HDAC4: variants seen among roughly 807,000 people sequenced by gnomAD.
HDAC4 encodes the protein histone deacetylase 4.
A neutral mutation model predicts 135.1 loss-of-function variants in HDAC4; 16 were observed. The ratio of observed to expected loss-of-function variants is 0.12; its 90% confidence interval spans 0.08 to 0.18. The LOEUF (loss-of-function observed/expected upper bound fraction) is 0.18, where lower values mean the gene tolerates loss of function less well. Ranked by LOEUF, HDAC4 falls within the 10% of genes least tolerant of loss-of-function variation. The pLI, the probability that HDAC4 is intolerant of heterozygous loss-of-function variation, is 1.00. For missense variants in HDAC4, 1,143 were observed against 1,511.8 expected (o/e 0.76, Z 4.05); for synonymous variants, 685 against 653.4 (o/e 1.05, Z -0.74).
chr2:239,296,222 C>T (rs1413198752), intron 2 of HDAC4, among the ~76,000 whole-genome samples: 1 of 152,236 alleles, frequency 6.6e-6, no homozygotes, highest in Non-Finnish European at 1.5e-5. Context: ...CACACACACG[C>T]ACATATGCAG....
intron 2 of HDAC4, among the ~76,000 whole-genome samples, chr2:239,261,178 G>A (rs995557213): frequency 1.3e-5 from 2 of 152,184 alleles, no homozygotes; most frequent in African/African-American, 4.8e-5. Context: ...AGATAAGACT[G>A]AGCCCAGCTG....
intron 1 of HDAC4, among the ~76,000 whole-genome samples, chr2:239,377,969 G>A (rs561979945): frequency 7.2e-5 from 11 of 152,228 alleles, no homozygotes; most frequent in Admixed American, 1.3e-4. Context: ...GGAGTTCTAT[G>A]GACATCAAAA....
intron 3 of HDAC4, among the ~76,000 whole-genome samples, chr2:239,214,620 C>G (rs576277793): frequency 2.7e-4 from 41 of 152,338 alleles, no homozygotes; most frequent in African/African-American, 9.1e-4. Context: ...ACCTGTGGCT[C>G]GCCACGCGTG....
chr2:239,238,330 T>C (rs2048003104), intron 2 of HDAC4, among the ~76,000 whole-genome samples: 2 of 152,228 alleles, frequency 1.3e-5, no homozygotes. Context: ...GTGTGTGTAT[T>C]TAACCCAAAT....
chr2:239,360,738 G>A (rs898727882), intron 1 of HDAC4, among the ~76,000 whole-genome samples: 6 of 152,118 alleles, frequency 3.9e-5, no homozygotes, highest in Admixed American at 1.3e-4. Flanking sequence ...GACAGGGAGC[G>A]GGGACACCCG....
At chr2:239,137,898 A>G (rs2041086855) in intron 9 of HDAC4, among the ~76,000 whole-genome samples, 1 of 152,236 alleles carries the variant, frequency 6.6e-6, no homozygotes, top group Admixed American at 6.5e-5. Context: ...TACATGTTCT[A>G]TTAATTTCCA....
At chr2:239,112,556 G>A (rs147439297) in intron 13 of HDAC4, among the ~76,000 whole-genome samples, 1 of 151,444 alleles carries the variant, frequency 6.6e-6, no homozygotes, top group South Asian at 2.1e-4. Context: ...CTCTGTGTGT[G>A]GGGGGGGCAC....
chr2:239,096,572 C>T (rs1228983646), intron 16 of HDAC4, among the ~76,000 whole-genome samples: 1 of 49,218 alleles, frequency 2.0e-5, no homozygotes, highest in South Asian at 9.6e-4. Context: ...ACGCCTACAC[C>T]CCCCACGAAC....
At chr2:239,324,345 G>A (rs72992651) in intron 2 of HDAC4, among the ~76,000 whole-genome samples, 6,700 of 152,300 alleles carry the variant, frequency 0.044, 212 homozygotes, top group Non-Finnish European at 0.065. Context: ...GGTCCTCACC[G>A]CACAGTATCC....
intron 22 of HDAC4, among the ~76,000 whole-genome samples, chr2:239,074,440 G>A (rs2152646482): frequency 6.6e-6 from 1 of 152,356 alleles, no homozygotes. Flanking sequence ...GTTAAATGAA[G>A]TTCATACCAA....
At chr2:239,302,198 C>A (rs1363189963) in intron 2 of HDAC4, among the ~76,000 whole-genome samples, 1 of 152,182 alleles carries the variant, frequency 6.6e-6, no homozygotes, top group African/African-American at 2.4e-5. Context: ...AGAACTCTGT[C>A]CTGATTGGAG....
At chr2:239,370,098 CCT>C (rs980878300) in intron 1 of HDAC4, among the ~76,000 whole-genome samples, 3 of 152,256 alleles carry the variant, frequency 2.0e-5, no homozygotes, top group African/African-American at 7.2e-5. Context: ...GGCCGTCTGC[CCT>C]GTGTCCCCGG....
intron 3 of HDAC4, among the ~76,000 whole-genome samples, chr2:239,192,573 C>T (rs1230281482): frequency 1.3e-5 from 2 of 152,134 alleles, no homozygotes; most frequent in Admixed American, 1.3e-4. Flanking sequence ...TGGCGGGCTC[C>T]CTGCTGTGGG....
Position 239,095,000 on chromosome 2 carries a change from G to A in HDAC4, c.2280+10C>T, listed in dbSNP as rs199641955. The stretch of plus-strand genomic sequence containing the variant: ...ACAGGACATTATTTACACATTAAAG[G>A]AACACTTACCCCAACACCACCGCAA... On this transcript the variant is annotated intron_variant, in intron 17 of 26. Coordinates refer to ENST00000543185, the MANE Select transcript of HDAC4 (RefSeq NM_001378414.1). The A allele has an allele frequency of 1.2e-6, 2 of 1,613,926 alleles. No individual in the cohort carries two copies. Among genetic ancestry groups the A allele is most frequent in the East Asian group, 2.2e-5 (1 of 44,878 alleles).
Position 239,303,505 on chromosome 2 carries a change from C to G in HDAC4, c.22+49173G>C, listed in dbSNP as rs920255176. Among the ~76,000 whole-genome samples the G allele has an allele frequency of 6.6e-5, 10 of 152,166 alleles. No homozygotes were observed. The highest frequency in any genetic ancestry group is 1.2e-4 in the Non-Finnish European group (8 of 68,030). ...CGGCAGCGTGCTTCCTCGATCTCCC[C>G]GCTCCTTTCTCGGGACAGCCTGTGG... is the stretch of plus-strand genomic sequence containing the variant. On this transcript the variant is annotated intron_variant, in intron 2 of 26. Coordinates refer to ENST00000543185, the MANE Select transcript of HDAC4 (RefSeq NM_001378414.1). This position sits in a 1 kb window ranked among gnomAD's most constrained non-coding sequence, Gnocchi z 5.1.
At chr2:239,347,047 T>TCA (rs1692765873) in intron 2 of HDAC4, among the ~76,000 whole-genome samples, 1 of 151,536 alleles carries the variant, frequency 6.6e-6, no homozygotes, top group African/African-American at 2.4e-5. Flanking sequence ...ACACCCTGAT[T>TCA]CACACACATA....
At chr2:239,171,290 G>T (rs2152990147) in intron 5 of HDAC4, among the ~76,000 whole-genome samples, 1 of 151,740 alleles carries the variant, frequency 6.6e-6, no homozygotes, top group African/African-American at 2.4e-5. Flanking sequence ...ATAAGATCAA[G>T]AAAGTCTATG....
chr2:239,187,514 G>A (rs567330493), intron 4 of HDAC4, among the ~76,000 whole-genome samples: 33 of 152,318 alleles, frequency 2.2e-4, no homozygotes, highest in Admixed American at 5.2e-4. Context: ...CCGGACCCGC[G>A]CCTTCTGCCT....
At chr2:239,235,791 GC>G (rs2047854810) in intron 3 of HDAC4, among the ~76,000 whole-genome samples, 1 of 152,200 alleles carries the variant, frequency 6.6e-6, no homozygotes, top group East Asian at 1.9e-4. Context: ...TGTAATTCCA[GC>G]ACTTTGGGAG....
Sources: allele counts gnomAD v4.1 joint callset (sites outside exome capture counted in the v4.1 genomes callset), GRCh38; gene constraint gnomAD v4.1.1; non-coding constraint Gnocchi (gnomAD v3.1); transcripts MANE v1.5; gene names NCBI Gene and HGNC (gene_info 2026-07-23, HGNC 2026-07-21).